Variants in DST observed in about 807,000 individuals in gnomAD.
DST encodes dystonin, also known as bullous pemphigoid antigen.
Under a neutral mutation model 875.2 loss-of-function variants are expected in DST, and 253 were observed. The ratio of observed to expected loss-of-function variants is 0.29; its 90% CI spans 0.26 to 0.32. DST has a LOEUF of 0.32. DST is among the 10% of genes least tolerant of loss of function. The pLI is 1.00. For synonymous variants in DST, 3,124 were observed against 3,197.1 expected, an observed-to-expected ratio of 0.98 and a Z score of 0.77; for missense variants, 8,287 against 9,111.6, an observed-to-expected ratio of 0.91 and a Z score of 3.68.
At chr6:56,889,142 G>A (rs1272133474) in intron 3 of DST, among the ~76,000 whole-genome samples, 1 of 152,142 alleles carries the variant, frequency 6.6e-6, no homozygotes, top group African/African-American at 2.4e-5. Flanking sequence ...GACCTCAAGT[G>A]TCTTCTCTTC....
At chr6:56,700,979 G>GA (rs1178517807) in intron 8 of DST, among the ~76,000 whole-genome samples, 3 of 130,244 alleles carry the variant, frequency 2.3e-5, no homozygotes, top group African/African-American at 8.7e-5. Context: ...TTTTTCTCTT[G>GA]CCTTTTTTTT....
intron 9 of DST, chr6:56,693,346 C>T (rs548522383): frequency 9.5e-6 from 11 of 1,160,724 alleles, no homozygotes; most frequent in South Asian, 3.6e-5. Context: ...CCTGCCCAGC[C>T]GGTCCGTGTC....
At chr6:56,507,004 G>C (rs910075939) in intron 75 of DST, among the ~76,000 whole-genome samples, 14 of 151,994 alleles carry the variant, frequency 9.2e-5, no homozygotes, top group Non-Finnish European at 2.1e-4. Flanking sequence ...TTATTATAAA[G>C]ATATTTAAGA....
At chr6:56,784,608 T>A (rs958327917) in intron 4 of DST, among the ~76,000 whole-genome samples, 3 of 152,208 alleles carry the variant, frequency 2.0e-5, no homozygotes, top group East Asian at 3.8e-4. Flanking sequence ...GTATTGGTTA[T>A]TGTAGTTATA....
chr6:56,708,377 T>C (rs55742092), intron 5 of DST, among the ~76,000 whole-genome samples: 22,396 of 152,150 alleles, frequency 0.15, 2,137 homozygotes, highest in Non-Finnish European at 0.22. Context: ...GGCTTAATTT[T>C]TTAAGAATTT....
chr6:56,831,603 T>C (rs1232915456), intron 4 of DST, among the ~76,000 whole-genome samples: 1 of 152,116 alleles, frequency 6.6e-6, no homozygotes, highest in Non-Finnish European at 1.5e-5. Context: ...TCCACTTTCG[T>C]CACCAAACTC....
chr6:56,631,302 A>G lies in DST; in HGVS notation c.4051T>C (p.Ser1351Pro), dbSNP rs1442153937. 3 of 1,613,888 alleles carry G rather than the reference A, an allele frequency of 1.9e-6. No homozygotes were observed. In the African/African-American group the frequency reaches 4.0e-5, roughly 22 times the overall value. Reference sequence around the variant, plus strand: ...GATCGTAGGGTAGGGACTGATGAAGAGGCTGCTGCTTGACTGAAAAACTCC... The same window carrying G: ...GATCGTAGGGTAGGGACTGATGAAGGGGCTGCTGCTTGACTGAAAAACTCC... ...CEEFFSQAAA[S>P]SSVPTLRSEL... is the part of the protein sequence containing the mutation. Residue 1351 changes from serine (S) to proline (P), a missense_variant, in exon 30 of 104, where the codon TCT becomes CCT. By Grantham distance (74) the Ser-to-Pro change is moderately conservative (BLOSUM62 -1). Coordinates refer to ENST00000680361, the MANE Select transcript of DST (RefSeq NM_001374736.1).
chr6:56,468,305 C>T (rs2094694194), intron 98 of DST, among the ~76,000 whole-genome samples: 1 of 140,166 alleles, frequency 7.1e-6, no homozygotes, highest in Admixed American at 6.9e-5. Flanking sequence ...TTTATATTGA[C>T]TTAAGTGCCA....
chr6:56,483,745 T>C (rs1260225135), intron 88 of DST: 10 of 152,020 alleles, frequency 6.6e-5, no homozygotes, highest in Admixed American at 6.6e-4. Flanking sequence ...AAAAAAATCA[T>C]CATAAATGAA....
intron 4 of DST, among the ~76,000 whole-genome samples, chr6:56,816,365 G>A (rs539251166): frequency 7.0e-6 from 1 of 143,876 alleles, no homozygotes; most frequent in East Asian, 1.9e-4. Flanking sequence ...TCGATACTCT[G>A]AGGAGAATAG....
At chr6:56,813,622 T>G (rs1457172242) in intron 4 of DST, among the ~76,000 whole-genome samples, 1 of 152,132 alleles carries the variant, frequency 6.6e-6, no homozygotes, top group Admixed American at 6.5e-5. Context: ...TAACAAGCAA[T>G]TGAAATATAA....
intron 4 of DST, among the ~76,000 whole-genome samples, chr6:56,764,097 GCACACACACACACACACA>G (rs57134689): frequency 2.8e-5 from 4 of 142,020 alleles, no homozygotes; most frequent in African/African-American, 1.1e-4. Flanking sequence ...AAGTGCACAT[GCACACACACACACACACA>G]CACACACACA....
intron 80 of DST, among the ~76,000 whole-genome samples, chr6:56,498,720 G>A (rs1016046345): frequency 3.3e-5 from 5 of 152,042 alleles, no homozygotes; most frequent in Non-Finnish European, 1.5e-5. Flanking sequence ...TCAGCATTCT[G>A]AAAGAGAAAA....
In DST at chr6:56,850,198, G is replaced by A. The variant is rs541301134; in HGVS notation, c.625+1199C>T. 4.6e-5 allele frequency among the ~76,000 whole-genome samples: 7 copies of A among 152,232 alleles called. No homozygotes were observed. In the East Asian group the frequency reaches 5.8e-4, roughly 13 times the overall value. Reference sequence around the variant, plus strand: ...GTGAGACCAGCCAGCATCTCACAGCGGAAGCCAGAAGAAGCTCAAGGCTGT... The same window carrying A: ...GTGAGACCAGCCAGCATCTCACAGCAGAAGCCAGAAGAAGCTCAAGGCTGT... On this transcript the variant is annotated intron_variant, in intron 4 of 103. Transcript: ENST00000680361.
At position 56,487,150 on chromosome 6, in the gene DST, C is replaced by T. The variant is rs555055845; in HGVS notation, c.21001G>A (p.Glu7001Lys). 6.2e-7 allele frequency: 1 copy of T among 1,613,966 alleles called. No homozygotes were observed. The highest frequency in any genetic ancestry group is 2.2e-5 in the East Asian group (1 of 44,874). Reference sequence around the variant, plus strand: ...ATGGTATCCCATTTGTCTCTGAGTTCACTCAGCATGTCATCCAGTTTCAGG... The same window carrying T: ...ATGGTATCCCATTTGTCTCTGAGTTTACTCAGCATGTCATCCAGTTTCAGG... ...DNLKLDDMLS[E>K]LRDKWDTICG... The change falls in exon 87 of 104, where the codon GAA becomes AAA. Residue 7001 changes from glutamate (E) to lysine (K), a missense_variant. Transcript: ENST00000680361.
At chr6:56,927,322 C>A (rs994311646) in intron 2 of DST, among the ~76,000 whole-genome samples, 4 of 152,046 alleles carry the variant, frequency 2.6e-5, no homozygotes, top group South Asian at 2.1e-4. Context: ...AAAACAACAA[C>A]AAAAGCCTGG....
At chr6:56,685,795 C>T (rs1042964932) in intron 9 of DST, among the ~76,000 whole-genome samples, 4 of 151,918 alleles carry the variant, frequency 2.6e-5, no homozygotes, top group Admixed American at 6.6e-5. Context: ...AAAAGTAACA[C>T]AGGTTGGTGC....
intron 36 of DST, chr6:56,615,307 T>TAAATG (rs1286694376): frequency 7.3e-7 from 1 of 1,375,718 alleles, no homozygotes; most frequent in African/African-American, 1.5e-5. Flanking sequence ...TTCTCAAGGC[T>TAAATG]AAATGAAACC....
In DST at chr6:56,631,863, A is replaced by T; in HGVS notation, c.3963+20T>A. On this transcript the variant is annotated intron_variant, in intron 29 of 103. Coordinates refer to ENST00000680361, the MANE Select transcript of DST (RefSeq NM_001374736.1). Reference sequence around the variant, plus strand: ...CATTAAGAGAGTTAGTTTTTTTCCCAACATATTTATAGCTCTCACCTCCTG... The same window carrying T: ...CATTAAGAGAGTTAGTTTTTTTCCCTACATATTTATAGCTCTCACCTCCTG... 1.2e-6 allele frequency: 2 copies of T among 1,612,816 alleles called. No individual in the cohort carries two copies. The highest frequency in any genetic ancestry group is 1.7e-6 in the Non-Finnish European group (2 of 1,179,028).
Sources: gnomAD v4.1 joint callset for allele counts (sites outside exome capture counted in the v4.1 genomes callset) on GRCh38, gnomAD v4.1.1 for gene constraint, MANE v1.5 for transcripts, NCBI Gene and HGNC (gene_info 2026-07-23, HGNC 2026-07-21) for gene names.